SMURF1: variants seen among roughly 807,000 people sequenced by gnomAD.
SMURF1 encodes the protein E3 ubiquitin-protein ligase SMURF1.
SMURF1 carries 44 observed loss-of-function variants against 98.0 expected under a neutral mutation model. That is an observed-to-expected ratio of 0.45 (90% confidence interval 0.35 to 0.58). SMURF1 has a LOEUF of 0.58. SMURF1 is among the 20% of genes least tolerant of loss of function. The probability of loss-of-function intolerance (pLI) is 0.00; values close to 1 mark genes in which losing one functional copy is unlikely to be tolerated. For missense variants in SMURF1, 687 were observed against 938.4 expected, an observed-to-expected ratio of 0.73 and a Z score of 3.50; for synonymous variants, 396 against 374.9, an observed-to-expected ratio of 1.06 and a Z score of -0.65.
intron 1 of SMURF1, among the ~76,000 whole-genome samples, chr7:99,089,480 A>G (rs927911677): frequency 4.6e-5 from 7 of 151,698 alleles, no homozygotes; most frequent in African/African-American, 1.7e-4. Context: ...CTCTACAAAA[A>G]AAATACAAAA....
chr7:99,040,599 C>T (rs780109257), intron 12 of SMURF1, 43 bp from the exon 13 acceptor site: 31 of 1,371,736 alleles, frequency 2.3e-5, no homozygotes, highest in Admixed American at 1.5e-4. Context: ...AGCATGGTGC[C>T]GGCCAATGTG....
intron 1 of SMURF1, among the ~76,000 whole-genome samples, 194 bp from the exon 2 acceptor site, chr7:99,062,031 C>T (rs1796045260): frequency 1.3e-5 from 2 of 151,714 alleles, no homozygotes; most frequent in South Asian, 4.2e-4. Context: ...TGAAGATCAG[C>T]TATAACAAAT....
At chr7:99,088,560 C>T (rs1023367653) in intron 1 of SMURF1, among the ~76,000 whole-genome samples, 1 of 152,014 alleles carries the variant, frequency 6.6e-6, no homozygotes, top group African/African-American at 2.4e-5. Flanking sequence ...TATGCAGTCA[C>T]TTCTGCATGC....
chr7:99,047,695 C>G lies in SMURF1; in HGVS notation c.1141G>C (p.Glu381Gln), dbSNP rs763977174. ...GHCRIEVSRE[E>Q]IFEESYRQIM... ...CCTGAACTCTCTACCTCAAAGATTT[C>G]TTCTCTGGACACTTCGATGCGGCAA... The change falls in exon 10 of 18, where the codon GAA becomes CAA. Residue 381 changes from glutamate (E) to glutamine (Q), a missense_variant. Physicochemically the swap from Glu to Gln is conservative, Grantham distance 29. Coordinates refer to ENST00000361368, the MANE Select transcript of SMURF1 (RefSeq NM_181349.3). The G allele has an allele frequency of 6.2e-7, 1 of 1,614,230 alleles. No homozygotes were observed. The highest frequency in any genetic ancestry group is 1.1e-5 in the South Asian group (1 of 91,084).
At chr7:99,063,287 AT>A (rs1796107568) in intron 1 of SMURF1, among the ~76,000 whole-genome samples, 2 of 23,588 alleles carry the variant, frequency 8.5e-5, no homozygotes, top group Non-Finnish European at 2.1e-4. Context: ...ATATATATAT[AT>A]ATATATATAT....
chr7:99,068,776 G>C (rs903448937), intron 1 of SMURF1, among the ~76,000 whole-genome samples: 2 of 152,008 alleles, frequency 1.3e-5, no homozygotes, highest in Admixed American at 1.3e-4. Flanking sequence ...ATTCCTCATG[G>C]TATAGCTTGG....
rs949836710 is a variant in SMURF1, at chr7:99,038,662, G to C, written c.1551-137C>G. 9.8e-5 allele frequency: 93 copies of C among 948,100 alleles called. 1 individual carries two copies. In the South Asian group the frequency reaches 1.5e-3, roughly 16 times the overall value. The allele number at this position is 948,100 out of a possible 1,614,324, so 58.7% of individuals were successfully genotyped here. The stretch of plus-strand genomic sequence containing the variant: ...CCTCGGGCAGACACAGAACCTGCGT[G>C]GGGGTGGCACAGCAACAGGTGCTGG... On this transcript the variant is annotated intron_variant, in intron 13 of 17. Transcript: ENST00000361368.
intron 1 of SMURF1, among the ~76,000 whole-genome samples, chr7:99,130,314 G>A (rs577725340): frequency 1.3e-5 from 2 of 152,216 alleles, no homozygotes; most frequent in African/African-American, 4.8e-5. Context: ...TTAGCCAGGC[G>A]CAGTGGCACA....
At chr7:99,131,259 T>C (rs1455102520) in intron 1 of SMURF1, among the ~76,000 whole-genome samples, 1 of 152,068 alleles carries the variant, frequency 6.6e-6, no homozygotes, top group Non-Finnish European at 1.5e-5. Context: ...AAGTGCGATA[T>C]TGTACATAAA....
chr7:99,107,552 C>T (rs1445406506), intron 1 of SMURF1, among the ~76,000 whole-genome samples: 8 of 152,192 alleles, frequency 5.3e-5, no homozygotes, highest in Non-Finnish European at 1.2e-4. Context: ...TCCTAGAAAT[C>T]GCTCGGACCT....
chr7:99,083,776 T>C (rs2150570969), intron 1 of SMURF1, among the ~76,000 whole-genome samples: 1 of 152,354 alleles, frequency 6.6e-6, no homozygotes, highest in South Asian at 2.1e-4. Flanking sequence ...AACCTTATCA[T>C]TCAAATATGG....
intron 1 of SMURF1, among the ~76,000 whole-genome samples, chr7:99,080,420 C>T (rs964981454): frequency 6.6e-6 from 1 of 152,204 alleles, no homozygotes; most frequent in African/African-American, 2.4e-5. Flanking sequence ...CTGCCTCAGC[C>T]TCCTGAGTAG....
At chr7:99,051,286 C>A (rs544478086) in intron 8 of SMURF1, 71 bp downstream of exon 8, 26 of 1,184,206 alleles carry the variant, frequency 2.2e-5, no homozygotes, top group South Asian at 1.9e-4. Context: ...AGCAACACAT[C>A]TGGAAGGTAT....
chr7:99,113,009 T>A (rs910209867), intron 1 of SMURF1, among the ~76,000 whole-genome samples: 7 of 152,008 alleles, frequency 4.6e-5, no homozygotes, highest in Non-Finnish European at 7.4e-5. Flanking sequence ...TTTTTTTAAA[T>A]AAAGAGAGTC....
intron 1 of SMURF1, among the ~76,000 whole-genome samples, chr7:99,080,587 C>A (rs1012586324): frequency 6.6e-6 from 1 of 152,326 alleles, no homozygotes; most frequent in East Asian, 1.9e-4. Context: ...GCGTGAGCCA[C>A]CACGCCCGGC....
Position 99,057,825 on chromosome 7 carries a change from A to G in SMURF1, c.204-274T>C, listed in dbSNP as rs1431426367. Among the ~76,000 whole-genome samples, 5 of 152,038 alleles carry G rather than the reference A, an allele frequency of 3.3e-5. 1 individual carries two copies. The highest frequency in any genetic ancestry group is 1.3e-4 in the Admixed American group (2 of 15,272). ...GTGGCCAGGTTGGTCTTGAACTCCT[A>G]ACCTCAGGTGATCCACCTGCCTTGG... On this transcript the variant is annotated intron_variant, in intron 3 of 17. Coordinates refer to ENST00000361368, the MANE Select transcript of SMURF1 (RefSeq NM_181349.3).
At chr7:99,044,068 G>T (rs1251897941) in intron 11 of SMURF1, among the ~76,000 whole-genome samples, 1 of 152,172 alleles carries the variant, frequency 6.6e-6, no homozygotes, top group Non-Finnish European at 1.5e-5. Context: ...AGCTACTGGG[G>T]AGGGAAGCCA....
At chr7:99,105,844 A>C (rs1290087286) in intron 1 of SMURF1, among the ~76,000 whole-genome samples, 1 of 152,222 alleles carries the variant, frequency 6.6e-6, no homozygotes, top group African/African-American at 2.4e-5. Context: ...CTACAATTCC[A>C]GTCCACAGAG....
At chr7:99,121,854 AG>A (rs899906334) in intron 1 of SMURF1, among the ~76,000 whole-genome samples, 2 of 152,170 alleles carry the variant, frequency 1.3e-5, no homozygotes, top group African/African-American at 4.8e-5. Flanking sequence ...CTCAAACTCC[AG>A]GGGAAAACCA....
Sources: allele counts gnomAD v4.1 joint callset (sites outside exome capture counted in the v4.1 genomes callset), GRCh38; gene constraint gnomAD v4.1.1; transcripts MANE v1.5; gene names NCBI Gene and HGNC (gene_info 2026-07-23, HGNC 2026-07-21).